RGS22: variants seen among roughly 807,000 people sequenced by gnomAD.
RGS22 encodes regulator of G protein signaling 22.
A neutral mutation model predicts 172.9 loss-of-function variants in RGS22; 148 were observed. The observed-to-expected ratio is 0.86, with a 90% CI of 0.75 to 0.98. The LOEUF (loss-of-function observed/expected upper bound fraction) is 0.98. RGS22 is among the 50% of genes least tolerant of loss of function. RGS22 has a pLI of 0.00. For missense variants in RGS22, 1,347 were observed against 1,440.8 expected, an observed-to-expected ratio of 0.93 and a Z score of 1.05; for synonymous variants, 458 against 480.2, an observed-to-expected ratio of 0.95 and a Z score of 0.60.
intron 22 of RGS22, among the ~76,000 whole-genome samples, chr8:99,979,292 T>C (rs1251055190): frequency 3.3e-5 from 5 of 152,180 alleles, no homozygotes; most frequent in Non-Finnish European, 1.5e-5. Flanking sequence ...AATATATATA[T>C]TTCCATTTAG....
chr8:100,060,546 C>T (rs1330605525), intron 9 of RGS22, among the ~76,000 whole-genome samples: 1 of 150,944 alleles, frequency 6.6e-6, no homozygotes, highest in Admixed American at 6.6e-5. Context: ...ACAACTGCCA[C>T]AAAAAACATA....
intron 14 of RGS22, among the ~76,000 whole-genome samples, chr8:100,034,698 C>T (rs1036095888): frequency 6.6e-6 from 1 of 152,206 alleles, no homozygotes; most frequent in African/African-American, 2.4e-5. Flanking sequence ...AGGCATCACG[C>T]TATCCGACTT....
Position 99,987,550 on chromosome 8 carries a change from CTG to C in RGS22, c.3086_3087del (p.Pro1029ArgfsTer31), listed in dbSNP as rs1292132316. ...IIAFRKALLN[P>X]VTSRQFQRFV... ...AAACGTTGAAATTGTCTTGAAGTAA[CTG>C]GATTCAATAATGCTTTGCGAAAAGC... On this transcript the variant is annotated frameshift_variant, in exon 21 of 28. Transcript: ENST00000360863. LOFTEE classifies it high-confidence loss of function. 6.2e-7 allele frequency: 1 copy of C among 1,611,704 alleles called. No individual in the cohort carries two copies. The highest frequency in any genetic ancestry group is 8.5e-7 in the Non-Finnish European group (1 of 1,178,806).
chr8:100,101,317 CGCTCTGT>C (rs1234811969), intron 2 of RGS22, among the ~76,000 whole-genome samples: 5 of 149,240 alleles, frequency 3.4e-5, no homozygotes, highest in African/African-American at 1.2e-4. Context: ...GATGGAGTCT[CGCTCTGT>C]TGCCCAGGCT....
At chr8:100,029,943 TAGC>T (rs1818614646) in intron 14 of RGS22, among the ~76,000 whole-genome samples, 1 of 152,120 alleles carries the variant, frequency 6.6e-6, no homozygotes, top group Non-Finnish European at 1.5e-5. Context: ...GTAAGTTAAA[TAGC>T]AGAATGAAAT....
intron 20 of RGS22, among the ~76,000 whole-genome samples, chr8:99,994,040 A>G (rs1814069015): frequency 1.3e-5 from 2 of 152,228 alleles, no homozygotes; most frequent in Admixed American, 6.5e-5. Context: ...ATAGATGCAG[A>G]AAAGGCCTTC....
intron 3 of RGS22, among the ~76,000 whole-genome samples, chr8:100,091,294 C>CA (rs370090165): frequency 0.032 from 2,179 of 67,176 alleles, 29 homozygotes; most frequent in African/African-American, 0.085. Context: ...AGAGGAACTC[C>CA]AAAAAAAAAA....
chr8:100,051,801 A>T (rs1392209204), intron 10 of RGS22, among the ~76,000 whole-genome samples: 1 of 42,414 alleles, frequency 2.4e-5, no homozygotes, highest in Non-Finnish European at 4.2e-5. Context: ...ATATATATTT[A>T]TATATAAATG....
chr8:99,976,455 G>T (rs966546676), intron 23 of RGS22, among the ~76,000 whole-genome samples: 1 of 152,004 alleles, frequency 6.6e-6, no homozygotes, highest in South Asian at 2.1e-4. Context: ...TCCGCCTCCC[G>T]GGTTCACGCC....
chr8:100,080,213 T>C lies in RGS22; in HGVS notation c.260A>G (p.Lys87Arg). 3 of 1,613,884 alleles carry C rather than the reference T, an allele frequency of 1.9e-6. No homozygotes were observed. The highest frequency in any genetic ancestry group is 1.7e-6 in the Non-Finnish European group (2 of 1,179,790). Residue 87 changes from lysine (K) to arginine (R), a missense_variant, in exon 4 of 28, where the codon AAA becomes AGA. Lys to Arg is a conservative substitution (Grantham distance 26). Coordinates refer to ENST00000360863, the MANE Select transcript of RGS22 (RefSeq NM_015668.5). ...AACAGGTTTAACCTCATTCTTTCCT[T>C]TCCTTACAACATCATAAATGGGATT... ...PRNPIYDVVR[K>R]GKNEVKPVQM...
intron 16 of RGS22, among the ~76,000 whole-genome samples, chr8:100,005,719 A>G (rs1815621649): frequency 6.6e-6 from 1 of 152,226 alleles, no homozygotes; most frequent in African/African-American, 2.4e-5. Flanking sequence ...AAAATAACTG[A>G]TAACATTCAG....
At chr8:100,028,233 G>C (rs1818389058) in intron 14 of RGS22, among the ~76,000 whole-genome samples, 1 of 151,944 alleles carries the variant, frequency 6.6e-6, no homozygotes, top group African/African-American at 2.4e-5. Flanking sequence ...CATGGTCCCT[G>C]GTGATGTCCC....
In RGS22 at chr8:100,047,543, T is replaced by G; in HGVS notation, c.1743A>C (p.Glu581Asp). ...AAGGCTTTTGAGTTGCTGTTTTTAC[T>G]TCAGGTGATTTATTGGGAGATTTAG... is the stretch of plus-strand genomic sequence containing the variant. The part of the protein sequence containing the change: ...QPPKSPNKSP[E>D]VKTATQKPWK... The change falls in exon 11 of 28, where the codon GAA (glutamate) becomes GAC (aspartate). Residue 581 changes from glutamate (E) to aspartate (D), a missense_variant. Physicochemically the swap from Glu to Asp is conservative, Grantham distance 45 (BLOSUM62 2). Transcript: ENST00000360863. 6.2e-7 allele frequency: 1 copy of G among 1,613,464 alleles called. No homozygotes were observed. Among genetic ancestry groups the G allele is most frequent in the Non-Finnish European group, 8.5e-7 (1 of 1,179,670 alleles).
intron 20 of RGS22, among the ~76,000 whole-genome samples, chr8:99,993,626 G>A (rs564337440): frequency 6.6e-6 from 1 of 152,160 alleles, no homozygotes; most frequent in African/African-American, 2.4e-5. Context: ...ATAATTAATA[G>A]CCTACCAACC....
chr8:100,085,189 A>G (rs532095882), intron 3 of RGS22, among the ~76,000 whole-genome samples: 26 of 152,322 alleles, frequency 1.7e-4, no homozygotes, highest in African/African-American at 3.4e-4. Context: ...AAAAAAGTCT[A>G]TATCTTCTGC....
At position 100,052,797 on chromosome 8, in the gene RGS22, C is replaced by G; in HGVS notation, c.1689+5G>C. On this transcript the variant is annotated splice_donor_5th_base_variant and intron_variant, in intron 10 of 27. Transcript: ENST00000360863. ...TAGAGATCACAGCATGAATGTACACCCTACCTGGATCTCAGGTATCTGTGG... is the reference window on the plus strand; with the variant it reads ...TAGAGATCACAGCATGAATGTACACGCTACCTGGATCTCAGGTATCTGTGG... 9 of 1,612,054 alleles carry G rather than the reference C, an allele frequency of 5.6e-6. No homozygotes were observed. Among genetic ancestry groups the G allele is most frequent in the Non-Finnish European group, 7.6e-6 (9 of 1,178,346 alleles).
chr8:100,063,920 T>G lies in RGS22; in HGVS notation c.848A>C (p.Gln283Pro), dbSNP rs757947121. Residue 283 changes from glutamine (Q) to proline (P), a missense_variant, in exon 8 of 28, where the codon CAA becomes CCA. Transcript: ENST00000360863. ...CAGAAGAGCTTGAGAAGGAGTGTCTTGTAGAGATACAGACACCTCTTCTTC... is the reference window on the plus strand; with the variant it reads ...CAGAAGAGCTTGAGAAGGAGTGTCTGGTAGAGATACAGACACCTCTTCTTC... ...GEEEEVSVSL[Q>P]DTPSQALLRV... 1 of 1,604,822 alleles carries G rather than the reference T, an allele frequency of 6.2e-7. No individual in the cohort carries two copies. Among genetic ancestry groups the G allele is most frequent in the Non-Finnish European group, 8.5e-7 (1 of 1,175,638 alleles).
intron 14 of RGS22, among the ~76,000 whole-genome samples, chr8:100,024,494 A>T (rs765991675): frequency 6.6e-6 from 1 of 151,006 alleles, no homozygotes; most frequent in Non-Finnish European, 1.5e-5. Flanking sequence ...AGCACCTTTT[A>T]TATGGCACCT....
intron 14 of RGS22, among the ~76,000 whole-genome samples, chr8:100,031,551 T>C (rs540130502): frequency 5.6e-4 from 85 of 152,246 alleles, no homozygotes; most frequent in African/African-American, 2.0e-3. Context: ...CTCCTTCCCA[T>C]TTCTTACTTT....
Sources: gnomAD v4.1 joint callset for allele counts (sites outside exome capture counted in the v4.1 genomes callset) on GRCh38, gnomAD v4.1.1 for gene constraint, MANE v1.5 for transcripts, NCBI Gene and HGNC (gene_info 2026-07-23, HGNC 2026-07-21) for gene names.